The following BTD variants were observed in gnomAD, a reference collection of about 807,000 sequenced individuals.
BTD encodes the protein biotinidase.
Under a neutral mutation model 17.7 loss-of-function variants are expected in BTD, and 13 were observed. The observed-to-expected ratio is 0.74, with a 90% CI of 0.48 to 1.17. BTD has a LOEUF of 1.17. Ranked by LOEUF, BTD falls within the 50% of genes most tolerant of loss-of-function variation. The pLI is 0.00. For synonymous variants in BTD, 240 were observed against 245.2 expected, an observed-to-expected ratio of 0.98 and a Z score of 0.20; for missense variants, 674 against 650.4, an observed-to-expected ratio of 1.04 and a Z score of -0.39.
intron 1 of BTD, among the ~76,000 whole-genome samples, chr3:15,630,357 G>C (rs1466116475): frequency 6.6e-6 from 1 of 152,208 alleles, no homozygotes; most frequent in Non-Finnish European, 1.5e-5. Flanking sequence ...AACTGTCTGA[G>C]AATCAGTCTC....
chr3:15,665,753 G>A (rs911477005), intron 3 of BTD, among the ~76,000 whole-genome samples: 1 of 152,156 alleles, frequency 6.6e-6, no homozygotes, highest in African/African-American at 2.4e-5. Flanking sequence ...TGTGATGCAC[G>A]CAGAAGGCAC....
intron 3 of BTD, among the ~76,000 whole-genome samples, chr3:15,695,500 A>G (rs2069403403): frequency 6.6e-6 from 1 of 152,146 alleles, no homozygotes; most frequent in Non-Finnish European, 1.5e-5. Context: ...CTTGTTTTAT[A>G]TCTACGCTCG....
chr3:15,670,854 G>A (rs972948715), intron 3 of BTD, among the ~76,000 whole-genome samples: 6 of 152,114 alleles, frequency 3.9e-5, no homozygotes, highest in African/African-American at 1.4e-4. Flanking sequence ...AGAAAAAACT[G>A]GGCTAGAATA....
chr3:15,627,772 A>ACGATC (rs2065102208), intron 1 of BTD, among the ~76,000 whole-genome samples: 2 of 152,186 alleles, frequency 1.3e-5, no homozygotes, highest in Non-Finnish European at 2.9e-5. Flanking sequence ...CCCAGGCTGG[A>ACGATC]GTGCAATGGC....
upstream of BTD, chr3:15,601,399 T>C: frequency 6.2e-7 from 1 of 1,614,126 alleles, no homozygotes; most frequent in Non-Finnish European, 8.5e-7. Flanking sequence ...TTTCAGGGCC[T>C]GAGCGATGAC....
intron 1 of BTD, among the ~76,000 whole-genome samples, chr3:15,633,100 C>T (rs1398223231): frequency 6.6e-6 from 1 of 152,182 alleles, no homozygotes; most frequent in Non-Finnish European, 1.5e-5. Context: ...AGATCCCTTA[C>T]ACTACCTAAT....
At chr3:15,625,720 T>G (rs916514393) in intron 1 of BTD, among the ~76,000 whole-genome samples, 14 of 152,242 alleles carry the variant, frequency 9.2e-5, no homozygotes, top group Admixed American at 9.2e-4. Flanking sequence ...CTCGCCCAGC[T>G]AATTTTTTGT....
intron 2 of BTD, among the ~76,000 whole-genome samples, chr3:15,641,098 C>G (rs2065490620): frequency 6.6e-6 from 1 of 152,142 alleles, no homozygotes; most frequent in African/African-American, 2.4e-5. Flanking sequence ...CTGAGGGCGG[C>G]CCTGTTTGTA....
At chr3:15,628,020 C>A (rs2065109673) in intron 1 of BTD, among the ~76,000 whole-genome samples, 1 of 152,224 alleles carries the variant, frequency 6.6e-6, no homozygotes, top group African/African-American at 2.4e-5. Flanking sequence ...CCATGCCCAG[C>A]CCCAAGGGTT....
At chr3:15,678,394 A>C (rs1473385118) in intron 3 of BTD, 9 of 1,546,008 alleles carry the variant, frequency 5.8e-6, no homozygotes, top group Non-Finnish European at 7.9e-6. Flanking sequence ...CTAAATTTGA[A>C]TGTTATATAT....
chr3:15,672,315 AC>A (rs2066456317), intron 3 of BTD, among the ~76,000 whole-genome samples: 1 of 151,306 alleles, frequency 6.6e-6, no homozygotes, highest in Non-Finnish European at 1.5e-5. Flanking sequence ...TAATTTTTAA[AC>A]TTTTTTGTAG....
chr3:15,623,128 T>C (rs1447205479), intron 1 of BTD, among the ~76,000 whole-genome samples: 1 of 152,236 alleles, frequency 6.6e-6, no homozygotes, highest in Non-Finnish European at 1.5e-5. Flanking sequence ...GAGAACAGTA[T>C]GTGGGAAACC....
At chr3:15,638,824 T>C (rs1211237348) in intron 2 of BTD, among the ~76,000 whole-genome samples, 1 of 152,248 alleles carries the variant, frequency 6.6e-6, no homozygotes, top group Non-Finnish European at 1.5e-5. Context: ...CTTTACAGCA[T>C]ATTACTGTAC....
At chr3:15,660,245 C>G (rs538756597) in intron 3 of BTD, among the ~76,000 whole-genome samples, 1 of 152,356 alleles carries the variant, frequency 6.6e-6, no homozygotes, top group Non-Finnish European at 1.5e-5. Context: ...GCTCCAAGAG[C>G]CCATGTGCTC....
intron 1 of BTD, among the ~76,000 whole-genome samples, chr3:15,603,529 C>T (rs1258374779): frequency 3.9e-5 from 6 of 151,998 alleles, no homozygotes; most frequent in South Asian, 4.1e-4. Flanking sequence ...TGGTGGCAGG[C>T]GCCTGTAATC....
downstream of BTD, among the ~76,000 whole-genome samples, chr3:15,654,935 G>A (rs1316127878): frequency 2.0e-5 from 3 of 152,140 alleles, no homozygotes; most frequent in African/African-American, 4.8e-5. Context: ...GTTTCTTCAT[G>A]TTGGTCAGGC....
intron 3 of BTD, among the ~76,000 whole-genome samples, chr3:15,663,989 C>T (rs2065952509): frequency 6.6e-6 from 1 of 152,202 alleles, no homozygotes; most frequent in Non-Finnish European, 1.5e-5. Context: ...GCAACCTCCA[C>T]CTCCCAGGTT....
At chr3:15,698,495 C>A (rs1285107764) in intron 3 of BTD, among the ~76,000 whole-genome samples, 1 of 152,180 alleles carries the variant, frequency 6.6e-6, no homozygotes, top group African/African-American at 2.4e-5. Context: ...AAAACCCCAT[C>A]GTCTCAGCTC....
At chr3:15,662,234 CT>C (rs2065932214) in intron 3 of BTD, among the ~76,000 whole-genome samples, 2 of 152,176 alleles carry the variant, frequency 1.3e-5, no homozygotes, top group South Asian at 4.1e-4. Flanking sequence ...TAAAAATAGT[CT>C]TTTTATTCAT....
Sources: allele counts gnomAD v4.1 joint callset (sites outside exome capture counted in the v4.1 genomes callset), GRCh38; gene constraint gnomAD v4.1.1; transcripts MANE v1.5; gene names NCBI Gene and HGNC (gene_info 2026-07-23, HGNC 2026-07-21).